TRIM39: variants seen among roughly 807,000 people sequenced by gnomAD.
The protein encoded by TRIM39 is tripartite motif containing 39, also known as E3 ubiquitin-protein ligase TRIM39.
TRIM39 carries 5 observed loss-of-function variants against 53.6 expected under a neutral mutation model. The ratio of observed to expected loss-of-function variants is 0.09; its 90% CI spans 0.05 to 0.20. The LOEUF is 0.20. Ranked by LOEUF, TRIM39 falls within the 10% of genes least tolerant of loss-of-function variation. The pLI, the probability that TRIM39 is intolerant of heterozygous loss-of-function variation, is 1.00. For missense variants in TRIM39, 310 were observed against 621.0 expected, an observed-to-expected ratio of 0.50 and a Z score of 5.32; for synonymous variants, 196 against 237.6, an observed-to-expected ratio of 0.82 and a Z score of 1.61.
intron 5 of TRIM39, among the ~76,000 whole-genome samples, chr6:30,336,599 A>T (rs1786892405): frequency 6.6e-6 from 1 of 152,234 alleles, no homozygotes; most frequent in South Asian, 2.1e-4. Flanking sequence ...TCTTCCTTTT[A>T]TGAAAGATAT....
rs945765837 is a variant in TRIM39 at position 30,335,512 on chromosome 6, G to T, written c.550-233G>T. Among the ~76,000 whole-genome samples, 1 of 152,022 alleles carries T rather than the reference G, an allele frequency of 6.6e-6. No homozygotes were observed. Among genetic ancestry groups the T allele is most frequent in the South Asian group, 2.1e-4 (1 of 4,816 alleles). On this transcript the variant is annotated intron_variant, in intron 4 of 7. Transcript: ENST00000396551. The surrounding 1 kb of genome is among the most constrained non-coding windows in gnomAD (Gnocchi z 4.7). Reference sequence around the variant, plus strand: ...AATTTTTTGTATTTTTTGTAGAGTTGGGGTTTCACCATGTTACCTAGGCTG... The same window carrying T: ...AATTTTTTGTATTTTTTGTAGAGTTTGGGTTTCACCATGTTACCTAGGCTG...
intron 4 of TRIM39, among the ~76,000 whole-genome samples, chr6:30,333,427 G>A (rs1786460207): frequency 7.2e-6 from 1 of 138,938 alleles, no homozygotes; most frequent in Non-Finnish European, 1.5e-5. Context: ...GTGCCATCTC[G>A]GCTCACTGCA....
At chr6:30,336,157 C>A in intron 5 of TRIM39, 182 bp downstream of exon 5, 1 of 884,612 alleles carries the variant, frequency 1.1e-6, no homozygotes, top group Non-Finnish European at 1.8e-6. Context: ...CCCTTCTAAC[C>A]ATTTTTGTGT....
At chr6:30,328,560 CT>C (rs1785703593) in intron 1 of TRIM39, among the ~76,000 whole-genome samples, 1 of 151,942 alleles carries the variant, frequency 6.6e-6, no homozygotes, top group Non-Finnish European at 1.5e-5. Flanking sequence ...TATGAGGACT[CT>C]CTTTGCTTAT....
Position 30,330,791 on chromosome 6 carries a change from A to G in TRIM39, c.464A>G (p.Gln155Arg), listed in dbSNP as rs748503214. 29 of 1,614,198 alleles carry G rather than the reference A, an allele frequency of 1.8e-5. No individual in the cohort carries two copies. In the Admixed American group the frequency reaches 4.7e-4, roughly 26 times the overall value. The change falls in exon 4 of 8, where the codon CAG becomes CGG. Residue 155 changes from glutamine (Q) to arginine (R), a missense_variant. By Grantham distance (43) the Gln-to-Arg change is conservative (BLOSUM62 1). Transcript: ENST00000396551. ...CTCCCTACCCCTCAGGAAAAACTGC[A>G]GAAGTGTCTGGAGCCCCTGGAACAG...
At chr6:30,340,177 C>T (rs1787333523) in intron 6 of TRIM39, 1 of 1,186,740 alleles carries the variant, frequency 8.4e-7, no homozygotes, top group Non-Finnish European at 1.3e-6. Flanking sequence ...TCAGATTCTA[C>T]TTGTGCCAGT....
At chr6:30,336,028 C>T (rs1786812570) in intron 5 of TRIM39, 53 bp downstream of exon 5, 10 of 1,604,766 alleles carry the variant, frequency 6.2e-6, no homozygotes, top group Admixed American at 1.7e-5. Context: ...CGTAGCTTTG[C>T]GTAGCCTGGG....
At chr6:30,330,873 C>G in exon 4 of TRIM39, 1 of 1,614,006 alleles carries the variant, frequency 6.2e-7, no homozygotes, top group Non-Finnish European at 8.5e-7. Flanking sequence ...CTGGTGAGCT[C>G]AAGGTAAAGG....
chr6:30,330,929 G>A, intron 4 of TRIM39, 53 bp downstream of exon 4: 7 of 1,581,606 alleles, frequency 4.4e-6, no homozygotes, highest in Non-Finnish European at 6.0e-6. Flanking sequence ...TGCCTATGAG[G>A]GAATTAACTG....
intron 4 of TRIM39, among the ~76,000 whole-genome samples, chr6:30,332,218 C>G (rs555393860): frequency 6.6e-6 from 1 of 152,288 alleles, no homozygotes; most frequent in African/African-American, 2.4e-5. Context: ...TTGTTAAGCT[C>G]CTGGTTTAGG....
rs763251274 is a variant in TRIM39 at position 30,329,629 on chromosome 6, G to A, written c.312G>A (p.Glu104=). Residue 104 remains glutamate, a synonymous_variant, in exon 3 of 8, where the codon GAG becomes GAA. Transcript: ENST00000396551. ...CCGTCAAGCGGAAGATCCGGGATGAGAGCCTCTGCCCCCAACACCATGAGG... is the reference window on the plus strand; with the variant it reads ...CCGTCAAGCGGAAGATCCGGGATGAAAGCCTCTGCCCCCAACACCATGAGG... 3.7e-6 allele frequency: 6 copies of A among 1,613,110 alleles called. No homozygotes were observed. In the Admixed American group the frequency reaches 1.0e-4, roughly 27 times the overall value.
chr6:30,331,281 A>C (rs553927507), intron 4 of TRIM39, among the ~76,000 whole-genome samples: 313 of 29,778 alleles, frequency 0.011, no homozygotes, highest in African/African-American at 0.033. Context: ...ACAAACAAAA[A>C]AAACAAACAA....
In TRIM39 at chr6:30,335,889, C is replaced by G. The variant is rs192411663; in HGVS notation, c.694C>G (p.His232Asp). The G allele has an allele frequency of 3.1e-6, 5 of 1,613,002 alleles. No individual in the cohort carries two copies. The highest frequency in any genetic ancestry group is 3.4e-6 in the Non-Finnish European group (4 of 1,180,022). ...GCAGCGACTCCGAGAAAATGCTGCT[C>G]ACCTTGGGGACAAGCGCCGGGACCT... is the stretch of plus-strand genomic sequence containing the variant. The change falls in exon 5 of 8, where the codon CAC becomes GAC. Residue 232 changes from histidine to aspartate, a missense_variant. This residue lies in a region of TRIM39 where 161 missense variants were observed against 210.0 expected (regional missense o/e 0.77). Transcript: ENST00000396551. The surrounding 1 kb of genome is among the most constrained non-coding windows in gnomAD (Gnocchi z 4.7).
intron 4 of TRIM39, among the ~76,000 whole-genome samples, chr6:30,333,998 C>T (rs1582023496): frequency 6.6e-6 from 1 of 151,482 alleles, no homozygotes; most frequent in Non-Finnish European, 1.5e-5. Flanking sequence ...CACACATGTG[C>T]AAACACACAC....
intron 4 of TRIM39, among the ~76,000 whole-genome samples, chr6:30,331,281 AAAAC>A (rs1011938855): frequency 1.3e-4 from 4 of 29,762 alleles, no homozygotes; most frequent in Admixed American, 4.2e-4. Flanking sequence ...ACAAACAAAA[AAAAC>A]AAACAAAAAA....
At chr6:30,329,905 AG>A in intron 3 of TRIM39, 135 bp downstream of exon 3, 1 of 1,288,676 alleles carries the variant, frequency 7.8e-7, no homozygotes, top group Non-Finnish European at 1.0e-6. Context: ...AGGGGCACAC[AG>A]TATGTGTGAT....
rs1321209745 is a variant in TRIM39, at chr6:30,338,670, A to C, written c.781-1238A>C. On this transcript the variant is annotated intron_variant, in intron 5 of 7. Transcript: ENST00000396551. This position sits in a 1 kb window ranked among gnomAD's most constrained non-coding sequence, Gnocchi z 4.0. ...AAATGTGACACAGAGACATGAAGTG[A>C]ACACATGCTGTTGGAAAACATGGTG... Among the ~76,000 whole-genome samples the C allele has an allele frequency of 1.3e-5, 2 of 151,522 alleles. No homozygotes were observed. The highest frequency in any genetic ancestry group is 2.9e-5 in the Non-Finnish European group (2 of 67,952).
At chr6:30,343,302 G>A (rs1271107669) in exon 8 of TRIM39, 3 of 152,652 alleles carry the variant, frequency 2.0e-5, no homozygotes, top group African/African-American at 7.2e-5. Context: ...GGTATATAGG[G>A]AAGGGCCAGA....
intron 7 of TRIM39, 118 bp from the exon 8 acceptor site, chr6:30,341,594 G>C: frequency 7.0e-7 from 1 of 1,435,328 alleles, no homozygotes; most frequent in Non-Finnish European, 9.4e-7. Flanking sequence ...AACCAAACCA[G>C]GTTGTTCTGG....
Sources: allele counts gnomAD v4.1 joint callset (sites outside exome capture counted in the v4.1 genomes callset), GRCh38; gene constraint gnomAD v4.1.1; regional missense constraint gnomAD v4.1.1; non-coding constraint Gnocchi (gnomAD v3.1); transcripts MANE v1.5; gene names NCBI Gene and HGNC (gene_info 2026-07-23, HGNC 2026-07-21).